Variants in ABI3BP observed in about 807,000 individuals in gnomAD.
The protein encoded by ABI3BP is target of Nesh-SH3.
A neutral mutation model predicts 268.6 loss-of-function variants in ABI3BP; 216 were observed. That is an observed-to-expected ratio of 0.80 (90% CI 0.72 to 0.90). ABI3BP has a LOEUF of 0.90. Among genes scored for constraint, ABI3BP ranks in the 40% least tolerant of loss-of-function variants. The pLI is 0.00. For synonymous variants in ABI3BP, 730 were observed against 730.0 expected (o/e 1.00, Z 0.00); for missense variants, 2,090 against 2,182.4 (o/e 0.96, Z 0.84).
At chr3:100,824,334 T>C (rs567435009) in intron 36 of ABI3BP, among the ~76,000 whole-genome samples, 1 of 152,250 alleles carries the variant, frequency 6.6e-6, no homozygotes, top group South Asian at 2.1e-4. Flanking sequence ...ATCCAAATCC[T>C]CAGTGGGCCC....
chr3:100,889,813 C>A (rs1251396169), intron 4 of ABI3BP, among the ~76,000 whole-genome samples: 1 of 152,058 alleles, frequency 6.6e-6, no homozygotes, highest in Admixed American at 6.6e-5. Flanking sequence ...AAATCCACAG[C>A]TCCTCAAAAT....
chr3:100,798,535 T>G (rs1044047332), intron 51 of ABI3BP, among the ~76,000 whole-genome samples: 3 of 151,798 alleles, frequency 2.0e-5, no homozygotes, highest in Non-Finnish European at 4.4e-5. Context: ...GAAAGCAGTT[T>G]TGATTTCTTT....
intron 2 of ABI3BP, among the ~76,000 whole-genome samples, chr3:100,924,489 A>G (rs183117247): frequency 2.1e-4 from 32 of 152,288 alleles, no homozygotes; most frequent in African/African-American, 7.5e-4. Context: ...TGCTTTAAAT[A>G]CCCAGCAATG....
At chr3:100,868,351 T>C (rs554640827) in intron 9 of ABI3BP, among the ~76,000 whole-genome samples, 1 of 152,346 alleles carries the variant, frequency 6.6e-6, no homozygotes, top group African/African-American at 2.4e-5. Context: ...CAGATACTTT[T>C]CTAACAACCA....
chr3:100,873,262 G>GT (rs1243308462), intron 9 of ABI3BP, among the ~76,000 whole-genome samples: 5 of 152,186 alleles, frequency 3.3e-5, no homozygotes, highest in South Asian at 2.1e-4. Context: ...TTCTTTTCAG[G>GT]TTTTTTTAAA....
intron 63 of ABI3BP, among the ~76,000 whole-genome samples, chr3:100,756,262 T>C (rs1167256570): frequency 6.6e-6 from 1 of 152,190 alleles, no homozygotes; most frequent in African/African-American, 2.4e-5. Flanking sequence ...CGGTGGCTCG[T>C]GCCTGTAATC....
chr3:100,850,648 T>A lies in ABI3BP; in HGVS notation c.1426+12A>T, dbSNP rs1385403739. 2 of 1,596,298 alleles carry A rather than the reference T, an allele frequency of 1.3e-6. No individual in the cohort carries two copies. Among genetic ancestry groups the A allele is most frequent in the Admixed American group, 3.4e-5 (2 of 58,562 alleles). ...GGAAAATAAAGTATGATTTTTCTGT[T>A]AAAAACATTACCCAGTGTTGCCCTT... On this transcript the variant is annotated intron_variant, in intron 16 of 67. Transcript: ENST00000471714.
chr3:100,911,704 C>A lies in ABI3BP; in HGVS notation c.260-9018G>T, dbSNP rs754158368. Reference sequence around the variant, plus strand: ...TCCAGATTGGCAACCACTAAAGGTACCCTGTGAAAAAGTCCTCTTTGAGGT... The same window carrying A: ...TCCAGATTGGCAACCACTAAAGGTAACCTGTGAAAAAGTCCTCTTTGAGGT... On this transcript the variant is annotated intron_variant, in intron 2 of 67. Coordinates refer to ENST00000471714, the MANE Select transcript of ABI3BP (RefSeq NM_001375547.2). 1.5e-4 allele frequency: 120 copies of A among 778,364 alleles called. 1 individual carries two copies. Among genetic ancestry groups the A allele is most frequent in the Admixed American group, 2.4e-4 (14 of 57,698 alleles). The allele number at this position is 778,364 out of a possible 1,614,324, so 48.2% of individuals were successfully genotyped here.
chr3:100,928,884 C>T (rs2062714628), intron 1 of ABI3BP, among the ~76,000 whole-genome samples: 1 of 152,062 alleles, frequency 6.6e-6, no homozygotes. Context: ...GATCATAATG[C>T]TCAAGTTGGG....
Position 100,749,719 on chromosome 3 carries a change from G to GAATC in ABI3BP, c.*772_*775dup, listed in dbSNP as rs1354057075. ...TCAGTCTCTACATACAGCTTGATTAGAATCATAAAAACAATATGAAGACGA... is the reference window on the plus strand; with the variant it reads ...TCAGTCTCTACATACAGCTTGATTAGAATCAATCATAAAAACAATATGAAGACGA... On this transcript the variant is annotated 3_prime_UTR_variant, in exon 68 of 68. Transcript: ENST00000471714. 2 of 398,308 alleles carry GAATC rather than the reference G, an allele frequency of 5.0e-6. No individual in the cohort carries two copies. Among genetic ancestry groups the GAATC allele is most frequent in the African/African-American group, 2.1e-5 (1 of 48,580 alleles). The allele number at this position is 398,308 out of a possible 1,614,324, so 24.7% of individuals were successfully genotyped here.
chr3:100,798,760 ATAAAAT>A (rs2097432607), intron 51 of ABI3BP, among the ~76,000 whole-genome samples: 1 of 152,216 alleles, frequency 6.6e-6, no homozygotes, highest in African/African-American at 2.4e-5. Flanking sequence ...TTTGCTTTTG[ATAAAAT>A]TAGAATATGA....
chr3:100,840,473 C>G (rs1397816605), intron 22 of ABI3BP, among the ~76,000 whole-genome samples: 2 of 152,068 alleles, frequency 1.3e-5, no homozygotes, highest in South Asian at 2.1e-4. Flanking sequence ...TCAACAGGAA[C>G]ATGAGAAAGG....
chr3:100,788,931 A>G (rs1306321667), intron 56 of ABI3BP, among the ~76,000 whole-genome samples: 4 of 152,052 alleles, frequency 2.6e-5, no homozygotes, highest in African/African-American at 9.7e-5. Flanking sequence ...TTTTCTGAAC[A>G]AGCTCCAATG....
chr3:100,754,493 G>T, intron 64 of ABI3BP, 119 bp downstream of exon 64: 5 of 1,024,920 alleles, frequency 4.9e-6, no homozygotes, highest in Non-Finnish European at 7.2e-6. Flanking sequence ...CCACAAATGG[G>T]TTTTTAGAAA....
chr3:100,866,572 A>G (rs1335585022), intron 10 of ABI3BP, among the ~76,000 whole-genome samples: 2 of 152,242 alleles, frequency 1.3e-5, no homozygotes, highest in South Asian at 2.1e-4. Flanking sequence ...ATGTCATCAT[A>G]TGAAAGAACA....
intron 9 of ABI3BP, among the ~76,000 whole-genome samples, chr3:100,867,857 G>T (rs528587799): frequency 1.3e-5 from 2 of 151,876 alleles, no homozygotes; most frequent in Non-Finnish European, 2.9e-5. Flanking sequence ...TCAGTACAAA[G>T]AATAATTTTT....
chr3:100,991,322 A>G (rs1383431684), intron 1 of ABI3BP, among the ~76,000 whole-genome samples: 1 of 152,150 alleles, frequency 6.6e-6, no homozygotes, highest in African/African-American at 2.4e-5. Flanking sequence ...TTAACTCAAC[A>G]TTTCCCCAAA....
At chr3:100,917,211 G>A (rs762596204) in intron 2 of ABI3BP, among the ~76,000 whole-genome samples, 1 of 152,140 alleles carries the variant, frequency 6.6e-6, no homozygotes, top group Non-Finnish European at 1.5e-5. Context: ...GTCCTCAGGA[G>A]CTTACTATTT....
In ABI3BP at chr3:100,801,425, CA is replaced by C. The variant is rs68171311; in HGVS notation, c.3757+3366del. Reference sequence around the variant, plus strand: ...CCTGGGCAACAGAGTGATATCCTGTCAAAAAAAAAAAAAAAGAAAAGAAAAG... The same window carrying C: ...CCTGGGCAACAGAGTGATATCCTGTCAAAAAAAAAAAAAAGAAAAGAAAAG... On this transcript the variant is annotated intron_variant, in intron 51 of 67. Coordinates refer to ENST00000471714, the MANE Select transcript of ABI3BP (RefSeq NM_001375547.2). 9.7e-3 allele frequency among the ~76,000 whole-genome samples: 846 copies of C among 87,494 alleles called. 17 individuals are homozygous for C. The East Asian group carries it at 0.11, about 11-fold the overall frequency. The allele number at this position is 87,494 out of a possible 152,430, so 57.4% of individuals were successfully genotyped here.
Sources: gnomAD v4.1 joint callset for allele counts (sites outside exome capture counted in the v4.1 genomes callset) on GRCh38, gnomAD v4.1.1 for gene constraint, MANE v1.5 for transcripts, NCBI Gene and HGNC (gene_info 2026-07-23, HGNC 2026-07-21) for gene names.